VWA8: variants seen among roughly 807,000 people sequenced by gnomAD.
VWA8 encodes von Willebrand factor A domain containing 8.
A neutral mutation model predicts 241.5 loss-of-function variants in VWA8; 221 were observed. The ratio of observed to expected loss-of-function variants is 0.91; its 90% CI spans 0.82 to 1.02. VWA8 has a LOEUF of 1.02. VWA8 is among the 50% of genes least tolerant of loss of function. VWA8 has a pLI of 0.00. For synonymous variants in VWA8, 852 were observed against 827.1 expected (o/e 1.03, Z -0.52); for missense variants, 2,322 against 2,328.7 (o/e 1.00, Z 0.06).
intron 27 of VWA8, 111 bp from the exon 28 acceptor site, chr13:41,701,641 C>T: frequency 9.7e-7 from 1 of 1,035,952 alleles, no homozygotes; most frequent in Non-Finnish European, 1.3e-6. Context: ...TAATATCCTG[C>T]TATACCTTTT....
chr13:41,797,738 T>C (rs1869768439), intron 17 of VWA8, among the ~76,000 whole-genome samples: 2 of 152,176 alleles, frequency 1.3e-5, no homozygotes, highest in Non-Finnish European at 2.9e-5. Flanking sequence ...TTCTTCCCTT[T>C]TGGTTAGTAT....
In VWA8 at chr13:41,671,067, C is replaced by T; in HGVS notation, c.4490G>A (p.Ser1497Asn). Residue 1497 changes from serine to asparagine, a missense_variant, in exon 37 of 45, where the codon AGC becomes AAC. By Grantham distance (46) the Ser-to-Asn change is conservative (BLOSUM62 1). Transcript: ENST00000379310. ...TDALLAEWDK[S>N]GVVTVDMGGH... is the part of the protein sequence containing the mutation. ...TCCCATATCAACAGTAACAACACCG[C>T]TTTTGTCCCACTCAGCCAGCAGTGC... 1 of 1,613,976 alleles carries T rather than the reference C, an allele frequency of 6.2e-7. No homozygotes were observed.
intron 12 of VWA8, among the ~76,000 whole-genome samples, chr13:41,863,186 T>TATATATATATATACACACACA (rs1566485232): frequency 6.6e-6 from 1 of 151,144 alleles, no homozygotes; most frequent in African/African-American, 2.4e-5. Flanking sequence ...GCAAGACGGG[T>TATATATATATATACACACACA]CTAGCCTCCC....
rs569129024 is a variant in VWA8 at position 41,806,430 on chromosome 13, G to A, written c.2063+4795C>T. Among the ~76,000 whole-genome samples the A allele has an allele frequency of 2.8e-4, 43 of 152,268 alleles. No individual in the cohort carries two copies. In the East Asian group the frequency reaches 7.1e-3, roughly 25 times the overall value. On this transcript the variant is annotated intron_variant, in intron 17 of 44. Coordinates refer to ENST00000379310, the MANE Select transcript of VWA8 (RefSeq NM_015058.2). The stretch of plus-strand genomic sequence containing the variant: ...TAAACATGCAAAGGATAGGCTGGGC[G>A]CAGTGGCTCACGCCTGTAATCCCAG...
chr13:41,732,632 G>A (rs2045494060), intron 21 of VWA8, among the ~76,000 whole-genome samples: 1 of 152,070 alleles, frequency 6.6e-6, no homozygotes, highest in Non-Finnish European at 1.5e-5. Context: ...ATCACTAGGT[G>A]CCAAAGCCAG....
intron 9 of VWA8, among the ~76,000 whole-genome samples, chr13:41,876,799 A>G (rs9566869): frequency 0.061 from 9,283 of 151,784 alleles, 353 homozygotes; most frequent in East Asian, 0.11. Flanking sequence ...TTCTTCTTCA[A>G]ACAGTTGTTC....
At chr13:41,784,763 C>T (rs9566850) in intron 18 of VWA8, among the ~76,000 whole-genome samples, 14,867 of 48,644 alleles carry the variant, frequency 0.31, 2,308 homozygotes, top group South Asian at 0.52. Flanking sequence ...TATATATATA[C>T]ACACACACAC....
At chr13:41,614,110 T>C (rs1384517248) in intron 38 of VWA8, among the ~76,000 whole-genome samples, 7 of 152,214 alleles carry the variant, frequency 4.6e-5, no homozygotes, top group African/African-American at 7.2e-5. Flanking sequence ...AGGACATTTC[T>C]AAAAATAGCC....
Position 41,675,246 on chromosome 13 carries a change from A to G in VWA8, c.4378T>C (p.Ser1460Pro), listed in dbSNP as rs2045052239. The G allele has an allele frequency of 1.9e-6, 3 of 1,613,218 alleles. No individual in the cohort carries two copies. The highest frequency in any genetic ancestry group is 1.3e-5 in the African/African-American group (1 of 74,902). Residue 1460 changes from serine (S) to proline (P), a missense_variant, in exon 36 of 45, where the codon TCA becomes CCA. By Grantham distance (74) the Ser-to-Pro change is moderately conservative. Transcript: ENST00000379310. ...SGYIEVTDLQ[S>P]KKLRYIPIPR... Reference sequence around the variant, plus strand: ...ATAGGGATATATCGGAGTTTCTTTGATTGAAGATCAGTGACTTCTATATAA... The same window carrying G: ...ATAGGGATATATCGGAGTTTCTTTGGTTGAAGATCAGTGACTTCTATATAA...
At chr13:41,945,307 C>A in intron 2 of VWA8, among the ~76,000 whole-genome samples, 1 of 151,012 alleles carries the variant, frequency 6.6e-6, no homozygotes, top group African/African-American at 2.4e-5. Context: ...ACACAAGGAG[C>A]AACCACAAAG....
chr13:41,683,069 A>G (rs2045111558), intron 35 of VWA8, among the ~76,000 whole-genome samples: 1 of 152,122 alleles, frequency 6.6e-6, no homozygotes, highest in African/African-American at 2.4e-5. Context: ...TATGATGCAA[A>G]AATGCCATTC....
intron 21 of VWA8, among the ~76,000 whole-genome samples, chr13:41,734,868 G>GTTTT (rs1433847264): frequency 6.6e-6 from 1 of 152,166 alleles, no homozygotes; most frequent in African/African-American, 2.4e-5. Flanking sequence ...TAGGGAAAGT[G>GTTTT]AAAAATACAT....
intron 20 of VWA8, among the ~76,000 whole-genome samples, chr13:41,768,748 T>G (rs1018274311): frequency 1.3e-5 from 2 of 152,206 alleles, no homozygotes; most frequent in Non-Finnish European, 2.9e-5. Context: ...ATAAAAGGTT[T>G]ATATTCAAAA....
chr13:41,907,331 T>C (rs1247728610), intron 4 of VWA8, among the ~76,000 whole-genome samples: 1 of 152,186 alleles, frequency 6.6e-6, no homozygotes, highest in Non-Finnish European at 1.5e-5. Flanking sequence ...AGGAAACAAT[T>C]TAAAATTATG....
chr13:41,631,333 T>A (rs2044725491), intron 37 of VWA8, among the ~76,000 whole-genome samples: 1 of 152,138 alleles, frequency 6.6e-6, no homozygotes, highest in Non-Finnish European at 1.5e-5. Context: ...AGAGCCATCT[T>A]CTAACAGGGG....
Position 41,701,487 on chromosome 13 carries a change from T to C in VWA8, c.3269A>G (p.His1090Arg), listed in dbSNP as rs553184947. The change falls in exon 28 of 45, where the codon CAT becomes CGT. Residue 1090 changes from histidine (H) to arginine (R), a missense_variant. Transcript: ENST00000379310. ...AGTAAAGTTTAGGGATCTTTCTTCA[T>C]GTCTTTCTATTGGATACTCCTGTAT... Reference protein sequence around the residue: ...INIQEYPIERHEERSLNFTEE... With the variant: ...INIQEYPIERREERSLNFTEE... The C allele has an allele frequency of 6.2e-7, 1 of 1,612,114 alleles. No individual in the cohort carries two copies. Among genetic ancestry groups the C allele is most frequent in the East Asian group, 2.2e-5 (1 of 44,676 alleles).
In VWA8 at chr13:41,699,269, TTC is replaced by T. The variant is rs779133295; in HGVS notation, c.3365-1_3365del. ...CTACATAGAGAGTATTTTGCTCATT[TTC>T]TGAAATGACAAAAAGGTGTTAATTT... On this transcript the variant is annotated splice_acceptor_variant and coding_sequence_variant, in exon 29 of 45. Transcript: ENST00000379310. LOFTEE classifies it high-confidence loss of function. 4.3e-6 allele frequency: 7 copies of T among 1,613,874 alleles called. No individual in the cohort carries two copies. The Admixed American group carries it at 1.2e-4, about 27-fold the overall frequency.
intron 12 of VWA8, among the ~76,000 whole-genome samples, chr13:41,852,001 C>T (rs553082088): frequency 6.6e-6 from 1 of 152,230 alleles, no homozygotes; most frequent in East Asian, 1.9e-4. Context: ...TTTGAGGACC[C>T]TCCATACTAT....
chr13:41,908,404 T>G (rs1267767873), intron 3 of VWA8, among the ~76,000 whole-genome samples: 1 of 151,550 alleles, frequency 6.6e-6, no homozygotes, highest in Non-Finnish European at 1.5e-5. Flanking sequence ...AGGTGGAGGT[T>G]GAGGTTGCAG....
Sources: allele counts gnomAD v4.1 joint callset (sites outside exome capture counted in the v4.1 genomes callset), GRCh38; gene constraint gnomAD v4.1.1; transcripts MANE v1.5; gene names NCBI Gene and HGNC (gene_info 2026-07-23, HGNC 2026-07-21).